The following POLR1B variants were observed in gnomAD, a reference collection of about 807,000 sequenced individuals.
POLR1B encodes the protein RNA polymerase I subunit B, also known as DNA-directed RNA polymerase I subunit RPA2.
In POLR1B, 30 loss-of-function variants were observed where a neutral mutation model predicts 105.8. That is an observed-to-expected ratio of 0.28 (90% CI 0.21 to 0.38). The LOEUF (loss-of-function observed/expected upper bound fraction) is 0.38, where lower values mean the gene tolerates loss of function less well. Ranked by LOEUF, POLR1B falls within the 10% of genes least tolerant of loss-of-function variation. The pLI is 1.00. For synonymous variants in POLR1B, 485 were observed against 505.1 expected, an observed-to-expected ratio of 0.96 and a Z score of 0.53; for missense variants, 976 against 1,435.8, an observed-to-expected ratio of 0.68 and a Z score of 5.17.
chr2:112,575,684 T>C lies in POLR1B; in HGVS notation c.3363T>C (p.Ala1121=). Reference sequence around the variant, plus strand: ...CTTATGTTTTTCGGTATTTTGTAGCTGAACTGGCAGCTATGAACATCAAAG... The same window carrying C: ...CTTATGTTTTTCGGTATTTTGTAGCCGAACTGGCAGCTATGAACATCAAAG... ...SVPYVFRYFV[A]ELAAMNIKVK... The change falls in exon 15 of 15, where the codon GCT becomes GCC. Residue 1121 remains alanine (A), a synonymous_variant. Coordinates refer to ENST00000263331, the MANE Select transcript of POLR1B (RefSeq NM_019014.6). This position sits in a 1 kb window ranked among gnomAD's most constrained non-coding sequence, Gnocchi z 5.3. The C allele has an allele frequency of 6.2e-7, 1 of 1,613,792 alleles. No homozygotes were observed. Among genetic ancestry groups the C allele is most frequent in the Non-Finnish European group, 8.5e-7 (1 of 1,179,914 alleles).
chr2:112,573,762 G>A lies in POLR1B; in HGVS notation c.2472G>A (p.Pro824=), dbSNP rs756081117. 1.1e-5 allele frequency: 18 copies of A among 1,614,220 alleles called. No homozygotes were observed. The highest frequency in any genetic ancestry group is 3.3e-5 in the South Asian group (3 of 91,080). The change falls in exon 14 of 15, where the codon CCG becomes CCA. Residue 824 remains proline (P), a synonymous_variant. Transcript: ENST00000263331. ...FIGAKLQYGD[P]YYSYLNLNTG... is the part of the protein sequence containing the mutation. ...GAGCAAAACTGCAGTACGGAGATCC[G>A]TATTACAGCTACCTCAACCTCAACA...
At chr2:112,559,938 G>A (rs559667730) in intron 9 of POLR1B, among the ~76,000 whole-genome samples, 1 of 152,118 alleles carries the variant, frequency 6.6e-6, no homozygotes, top group African/African-American at 2.4e-5. Context: ...CCAAGGTTAC[G>A]TGGTTTTTAA....
At chr2:112,557,010 G>A (rs1216347255) in intron 7 of POLR1B, among the ~76,000 whole-genome samples, 2 of 152,154 alleles carry the variant, frequency 1.3e-5, no homozygotes, top group African/African-American at 4.8e-5. Context: ...AAGGCTGGGT[G>A]TGGTGGCTCA....
chr2:112,579,204 GTC>G lies in POLR1B; in HGVS notation c.*3478_*3479del, dbSNP rs1366434906. Among the ~76,000 whole-genome samples, 4 of 56,716 alleles carry G rather than the reference GTC, an allele frequency of 7.1e-5. No individual in the cohort carries two copies. The highest frequency in any genetic ancestry group is 1.2e-4 in the Non-Finnish European group (4 of 33,364). The allele number at this position is 56,716 out of a possible 152,430, so 37.2% of individuals were successfully genotyped here. On this transcript the variant is annotated 3_prime_UTR_variant, in exon 15 of 15. Transcript: ENST00000263331. Reference sequence around the variant, plus strand: ...ACCTGGGCAACAGAGCAAGACTAGAGTCTCAAAAAAAAAAAAAAAAAAAAAAA... The same window carrying G: ...ACCTGGGCAACAGAGCAAGACTAGAGTCAAAAAAAAAAAAAAAAAAAAAAA...
intron 5 of POLR1B, among the ~76,000 whole-genome samples, chr2:112,551,500 T>C (rs1683363527): frequency 6.6e-6 from 1 of 152,204 alleles, no homozygotes; most frequent in Non-Finnish European, 1.5e-5. Context: ...ATTATCTTTT[T>C]CACCACATTC....
intron 9 of POLR1B, among the ~76,000 whole-genome samples, chr2:112,561,669 A>G (rs1000535330): frequency 3.3e-5 from 5 of 152,150 alleles, no homozygotes; most frequent in African/African-American, 9.7e-5. Flanking sequence ...TTAAAAATAT[A>G]TATTGTTCAC....
Position 112,552,652 on chromosome 2 carries a change from A to G in POLR1B, c.994A>G (p.Ile332Val), listed in dbSNP as rs1047282854. ...QAAEFLFNQC[I>V]CIHLKSNTEK... ...TTTTTTCTGTTTTCACAGCCAGTGC[A>G]TCTGTATCCACTTGAAATCCAATAC... The change falls in exon 7 of 15, where the codon ATC (isoleucine) becomes GTC (valine). Residue 332 changes from isoleucine to valine, a missense_variant. Physicochemically the swap from Ile to Val is conservative, Grantham distance 29. Around this residue, in one of 12 missense-constraint regions of POLR1B, gnomAD observed 452 missense variants for 616.5 expected, o/e 0.73. Transcript: ENST00000263331. 5.1e-6 allele frequency: 8 copies of G among 1,574,770 alleles called. No homozygotes were observed. The highest frequency in any genetic ancestry group is 1.4e-5 in the African/African-American group (1 of 72,318).
At chr2:112,559,195 A>G (rs1018473580) in intron 8 of POLR1B, 98 bp from the exon 9 acceptor site, 10 of 1,329,260 alleles carry the variant, frequency 7.5e-6, no homozygotes, top group Non-Finnish European at 1.0e-5. Context: ...TCATTCTATG[A>G]TCTGTAGAGT....
chr2:112,564,339 G>C, intron 9 of POLR1B, 27 bp from the exon 10 acceptor site: 1 of 1,612,642 alleles, frequency 6.2e-7, no homozygotes, highest in Non-Finnish European at 8.5e-7. Flanking sequence ...ATTCTGATGT[G>C]ATTGTGCTGT....
chr2:112,575,275 G>A lies in POLR1B; in HGVS notation c.2954G>A (p.Gly985Glu). 1 of 1,614,080 alleles carries A rather than the reference G, an allele frequency of 6.2e-7. No individual in the cohort carries two copies. Residue 985 changes from glycine to glutamate, a missense_variant, in exon 15 of 15, where the codon GGG (glycine) becomes GAG (glutamate). Physicochemically the swap from Gly to Glu is moderately conservative, Grantham distance 98 (BLOSUM62 -2). Transcript: ENST00000263331. The surrounding 1 kb of genome is among the most constrained non-coding windows in gnomAD (Gnocchi z 5.3). ...GAGAGGTTATATAGTGGCATCAGTGGGCTAGAACTGGAAGCAGACATCTTC... is the reference window on the plus strand; with the variant it reads ...GAGAGGTTATATAGTGGCATCAGTGAGCTAGAACTGGAAGCAGACATCTTC... ...GTERLYSGISGLELEADIFIG... is the reference protein window; with the variant it reads ...GTERLYSGISELELEADIFIG...
intron 9 of POLR1B, among the ~76,000 whole-genome samples, chr2:112,559,916 C>T (rs1241894035): frequency 6.6e-6 from 1 of 152,086 alleles, no homozygotes; most frequent in African/African-American, 2.4e-5. Flanking sequence ...AGTTGTGAGC[C>T]ACCGCGCCCG....
intron 7 of POLR1B, chr2:112,553,784 G>A (rs1220833379): frequency 6.6e-6 from 1 of 152,188 alleles, no homozygotes; most frequent in Non-Finnish European, 1.5e-5. Context: ...GAGACTTGCA[G>A]GAACCCAGCC....
chr2:112,565,751 T>G (rs768542897), intron 10 of POLR1B, among the ~76,000 whole-genome samples: 2 of 151,986 alleles, frequency 1.3e-5, no homozygotes, highest in Non-Finnish European at 2.9e-5. Flanking sequence ...TGGGTTGTTA[T>G]GGAGGCTTTA....
Position 112,576,054 on chromosome 2 carries a change from C to A in POLR1B, c.*325C>A. ...TGCTCTCAGCAGGCAGTGAGTGTCACACACCTGTTAATCCATCTTGAGCAG... is the reference window on the plus strand; with the variant it reads ...TGCTCTCAGCAGGCAGTGAGTGTCAAACACCTGTTAATCCATCTTGAGCAG... On this transcript the variant is annotated 3_prime_UTR_variant, in exon 15 of 15. Coordinates refer to ENST00000263331, the MANE Select transcript of POLR1B (RefSeq NM_019014.6). 3.0e-6 allele frequency: 1 copy of A among 331,632 alleles called. No individual in the cohort carries two copies. The highest frequency in any genetic ancestry group is 5.7e-6 in the Non-Finnish European group (1 of 176,482). The allele number at this position is 331,632 out of a possible 1,614,324, so 20.5% of individuals were successfully genotyped here.
chr2:112,560,350 T>C (rs1237097288), intron 9 of POLR1B, among the ~76,000 whole-genome samples: 1 of 152,160 alleles, frequency 6.6e-6, no homozygotes, highest in Non-Finnish European at 1.5e-5. Context: ...GTCATTTCTT[T>C]TTGCATCTCT....
chr2:112,549,111 G>T (rs1162088873), intron 3 of POLR1B, among the ~76,000 whole-genome samples, 156 bp from the exon 4 acceptor site: 1 of 152,148 alleles, frequency 6.6e-6, no homozygotes, highest in Non-Finnish European at 1.5e-5. Flanking sequence ...TTCACACAAA[G>T]ACAGTGTCTG....
intron 9 of POLR1B, among the ~76,000 whole-genome samples, chr2:112,560,058 C>G (rs1166008125): frequency 6.6e-6 from 1 of 151,868 alleles, no homozygotes; most frequent in African/African-American, 2.4e-5. Flanking sequence ...CTGTAGAAGG[C>G]CGAATGCATT....
At chr2:112,542,358 G>A (rs1001128170), upstream of POLR1B, 46 of 1,579,668 alleles carry the variant, frequency 2.9e-5, no homozygotes, top group Non-Finnish European at 3.7e-5. Flanking sequence ...GCAGGGCCTA[G>A]GGCGGGTGGA....
intron 4 of POLR1B, 24 bp from the exon 5 acceptor site, chr2:112,550,842 T>G (rs767812610): frequency 7.5e-6 from 12 of 1,607,852 alleles, no homozygotes; most frequent in Non-Finnish European, 8.5e-7. Context: ...GAGTTTCTGA[T>G]TTTTTTGTTG....
Sources: allele counts gnomAD v4.1 joint callset (sites outside exome capture counted in the v4.1 genomes callset), GRCh38; gene constraint gnomAD v4.1.1; regional missense constraint gnomAD v4.1.1; non-coding constraint Gnocchi (gnomAD v3.1); transcripts MANE v1.5; gene names NCBI Gene and HGNC (gene_info 2026-07-23, HGNC 2026-07-21).